Variants in PTPRD observed in about 807,000 individuals in gnomAD.
PTPRD encodes the protein receptor-type tyrosine-protein phosphatase delta.
A neutral mutation model predicts 214.5 loss-of-function variants in PTPRD; 34 were observed. That is an observed-to-expected ratio of 0.16 (90% CI 0.12 to 0.21). The LOEUF (loss-of-function observed/expected upper bound fraction) is 0.21. PTPRD is among the 10% of genes least tolerant of loss of function. The pLI, the probability that PTPRD is intolerant of heterozygous loss-of-function variation, is 1.00. For synonymous variants in PTPRD, 1,128 were observed against 845.7 expected, an observed-to-expected ratio of 1.33 and a Z score of -5.79; for missense variants, 2,545 against 2,398.7, an observed-to-expected ratio of 1.06 and a Z score of -1.27.
At position 8,898,150 on chromosome 9, in the gene PTPRD, C is replaced by T. The variant is rs551454492; in HGVS notation, c.-104+120547G>A. On this transcript the variant is annotated intron_variant, in intron 11 of 45. Coordinates refer to ENST00000381196, the MANE Select transcript of PTPRD (RefSeq NM_002839.4). ...CATCCCTTGTCAGTCTTCTCATGCCCTCAACTCTTATGTATGATTTGTAGG... is the reference window on the plus strand; with the variant it reads ...CATCCCTTGTCAGTCTTCTCATGCCTTCAACTCTTATGTATGATTTGTAGG... 5.3e-5 allele frequency among the ~76,000 whole-genome samples: 8 copies of T among 152,276 alleles called. No homozygotes were observed. In the South Asian group the frequency reaches 1.5e-3, roughly 28 times the overall value.
intron 14 of PTPRD, among the ~76,000 whole-genome samples, chr9:8,555,936 G>T (rs952473463): frequency 6.6e-6 from 1 of 152,182 alleles, no homozygotes. Flanking sequence ...AAATGGGTCA[G>T]AGCAGATGCA....
chr9:8,461,504 C>T (rs1215818263), intron 32 of PTPRD, among the ~76,000 whole-genome samples: 1 of 151,996 alleles, frequency 6.6e-6, no homozygotes, highest in African/African-American at 2.4e-5. Context: ...AAGGCCCTAT[C>T]TTCCACTTTC....
chr9:8,475,947 T>C (rs748480003), intron 30 of PTPRD, among the ~76,000 whole-genome samples: 55 of 152,334 alleles, frequency 3.6e-4, no homozygotes, highest in Middle Eastern at 6.8e-3. Flanking sequence ...AAATTTGTTC[T>C]GCCATTTCCA....
chr9:10,157,690 G>A (rs972551134), intron 3 of PTPRD, among the ~76,000 whole-genome samples: 1 of 152,066 alleles, frequency 6.6e-6, no homozygotes, highest in African/African-American at 2.4e-5. Context: ...TTCTAGTTAG[G>A]TTGGGGAAAT....
chr9:8,795,818 A>G (rs192624761), intron 11 of PTPRD, among the ~76,000 whole-genome samples: 61 of 152,330 alleles, frequency 4.0e-4, no homozygotes, highest in African/African-American at 1.3e-3. Flanking sequence ...TGTAACATAT[A>G]AGATCTAGAG....
At chr9:8,796,848 C>T (rs114043438) in intron 11 of PTPRD, among the ~76,000 whole-genome samples, 7 of 152,100 alleles carry the variant, frequency 4.6e-5, no homozygotes, top group African/African-American at 1.2e-4. Flanking sequence ...ACTCAAACAT[C>T]GCCTAGAACT....
At chr9:10,279,570 A>G (rs2094963549) in intron 3 of PTPRD, among the ~76,000 whole-genome samples, 1 of 151,918 alleles carries the variant, frequency 6.6e-6, no homozygotes, top group South Asian at 2.1e-4. Context: ...CCTTTGCTGG[A>G]GGTTGGTCAT....
chr9:8,814,444 C>T (rs980753952), intron 11 of PTPRD, among the ~76,000 whole-genome samples: 2 of 152,004 alleles, frequency 1.3e-5, no homozygotes, highest in South Asian at 2.1e-4. Flanking sequence ...AAACCAGGGG[C>T]GGCTGCAAAC....
intron 11 of PTPRD, among the ~76,000 whole-genome samples, chr9:8,977,397 A>G (rs190031741): frequency 6.6e-6 from 1 of 152,144 alleles, no homozygotes; most frequent in Admixed American, 6.6e-5. Context: ...TCTATTTAGT[A>G]TTTCTAAATT....
At chr9:8,325,214 G>C (rs1832438366) in intron 44 of PTPRD, among the ~76,000 whole-genome samples, 1 of 149,264 alleles carries the variant, frequency 6.7e-6, no homozygotes, top group African/African-American at 2.5e-5. Context: ...TTTCTTCTAG[G>C]GGTTTTCATC....
At chr9:10,396,888 A>G (rs931733981) in intron 2 of PTPRD, among the ~76,000 whole-genome samples, 1 of 151,986 alleles carries the variant, frequency 6.6e-6, no homozygotes, top group African/African-American at 2.4e-5. Flanking sequence ...TACATAGCTA[A>G]CACTGCAGGC....
At chr9:10,362,686 C>T (rs1454206560) in intron 2 of PTPRD, among the ~76,000 whole-genome samples, 1 of 152,010 alleles carries the variant, frequency 6.6e-6, no homozygotes, top group East Asian at 1.9e-4. Context: ...TCGAGACCAG[C>T]CTGGCCAACA....
At chr9:10,132,473 A>G (rs2098900863) in intron 3 of PTPRD, among the ~76,000 whole-genome samples, 1 of 151,906 alleles carries the variant, frequency 6.6e-6, no homozygotes. Context: ...GAGGAGATCC[A>G]AATATACTGA....
intron 7 of PTPRD, among the ~76,000 whole-genome samples, chr9:9,680,060 T>C (rs1013910502): frequency 6.6e-6 from 1 of 151,892 alleles, no homozygotes; most frequent in African/African-American, 2.4e-5. Flanking sequence ...TCAAGATAAA[T>C]ATGGTATCAG....
intron 2 of PTPRD, among the ~76,000 whole-genome samples, chr9:10,434,792 C>A (rs1230438284): frequency 6.6e-6 from 1 of 151,846 alleles, no homozygotes; most frequent in Admixed American, 6.6e-5. Flanking sequence ...ACAATGAGAA[C>A]TTTATTATAT....
rs375364011 is a variant in PTPRD, at chr9:10,075,728, T to C, written c.-544-41938A>G. ...TGCTCTGGATAAAAGTGAGTTATTA[T>C]ATTAGACATACAATTCCAGGATCTT... On this transcript the variant is annotated intron_variant, in intron 3 of 45. Coordinates refer to ENST00000381196, the MANE Select transcript of PTPRD (RefSeq NM_002839.4). 6.6e-5 allele frequency among the ~76,000 whole-genome samples: 10 copies of C among 152,170 alleles called. No homozygotes were observed. In the South Asian group the frequency reaches 1.9e-3, roughly 28 times the overall value.
At chr9:9,313,956 C>A (rs192722674) in intron 9 of PTPRD, among the ~76,000 whole-genome samples, 15 of 152,174 alleles carry the variant, frequency 9.9e-5, no homozygotes, top group African/African-American at 3.6e-4. Context: ...TTTCCATGTG[C>A]TCAGTATATT....
intron 3 of PTPRD, among the ~76,000 whole-genome samples, chr9:10,123,119 G>A (rs2098789569): frequency 6.6e-6 from 1 of 152,196 alleles, no homozygotes; most frequent in South Asian, 2.1e-4. Context: ...AACAGCAAAG[G>A]CACGTCCCAC....
At chr9:10,369,201 T>C (rs1196289327) in intron 2 of PTPRD, among the ~76,000 whole-genome samples, 3 of 152,120 alleles carry the variant, frequency 2.0e-5, no homozygotes, top group Non-Finnish European at 4.4e-5. Context: ...TATTTAATGA[T>C]AAAATAAGGA....
Sources: allele counts gnomAD v4.1 joint callset (sites outside exome capture counted in the v4.1 genomes callset), GRCh38; gene constraint gnomAD v4.1.1; transcripts MANE v1.5; gene names NCBI Gene and HGNC (gene_info 2026-07-23, HGNC 2026-07-21).